The following NKAIN3 variants were observed in gnomAD, a reference collection of about 807,000 sequenced individuals.
NKAIN3 encodes the protein sodium/potassium-transporting ATPase subunit beta-1-interacting protein 3.
In NKAIN3, 25 loss-of-function variants were observed where a neutral mutation model predicts 30.2. That is an observed-to-expected ratio of 0.83 (90% CI 0.60 to 1.16). The LOEUF (loss-of-function observed/expected upper bound fraction) is 1.16. Among genes scored for constraint, NKAIN3 ranks in the 50% most tolerant of loss-of-function variants. The probability of loss-of-function intolerance (pLI) is 0.00; values close to 1 mark genes in which losing one functional copy is unlikely to be tolerated. For synonymous variants in NKAIN3, 91 were observed against 89.6 expected (o/e 1.02, Z -0.09); for missense variants, 225 against 254.1 (o/e 0.89, Z 0.78).
chr8:62,866,842 C>T (rs1293250286), intron 4 of NKAIN3, among the ~76,000 whole-genome samples: 20 of 148,400 alleles, frequency 1.3e-4, no homozygotes, highest in East Asian at 2.0e-4. Flanking sequence ...GTCAGGAGAT[C>T]GAGACCATCC....
chr8:62,452,292 A>G (rs1027943158), intron 1 of NKAIN3, among the ~76,000 whole-genome samples: 9 of 152,132 alleles, frequency 5.9e-5, no homozygotes, highest in Non-Finnish European at 1.2e-4. Flanking sequence ...CCTGGCCAAC[A>G]TAGCGAAACC....
chr8:62,732,920 CAAAT>C (rs1293252554), intron 3 of NKAIN3, among the ~76,000 whole-genome samples: 3 of 152,094 alleles, frequency 2.0e-5, no homozygotes, highest in South Asian at 2.1e-4. Context: ...TAGAATTAGT[CAAAT>C]AAATATTTAT....
chr8:62,737,239 C>A (rs1815703152), intron 3 of NKAIN3, among the ~76,000 whole-genome samples: 1 of 152,174 alleles, frequency 6.6e-6, no homozygotes, highest in South Asian at 2.1e-4. Context: ...TTTTTTCCTG[C>A]CAACCTCTCA....
At chr8:62,788,198 T>G (rs945036421) in intron 4 of NKAIN3, among the ~76,000 whole-genome samples, 2 of 152,174 alleles carry the variant, frequency 1.3e-5, no homozygotes, top group Non-Finnish European at 2.9e-5. Context: ...CTCCAGCACC[T>G]GTTGTTTCCT....
intron 3 of NKAIN3, among the ~76,000 whole-genome samples, chr8:62,642,315 G>C (rs146178783): frequency 9.4e-4 from 143 of 152,108 alleles, no homozygotes; most frequent in African/African-American, 3.2e-3. Flanking sequence ...TCAACAAAAC[G>C]TATACCCATA....
At position 62,981,761 on chromosome 8, in the gene NKAIN3, A is replaced by AAC. The variant is rs1824086089; in HGVS notation, c.*16355_*16356insCA. 1.3e-5 allele frequency: 2 copies of AAC among 152,040 alleles called. No homozygotes were observed. Among genetic ancestry groups the AAC allele is most frequent in the South Asian group, 4.1e-4 (2 of 4,826 alleles). The allele number at this position is 152,040 out of a possible 1,614,324, so 9.4% of individuals were successfully genotyped here. Reference sequence around the variant, plus strand: ...CAGAACTAAGGACCGAAAAAAAAAAAAAAAAGATCTCTATCCCAATAGATT... The same window carrying AAC: ...CAGAACTAAGGACCGAAAAAAAAAAAACAAAAAGATCTCTATCCCAATAGATT... On this transcript the variant is annotated 3_prime_UTR_variant, in exon 7 of 7. Coordinates refer to ENST00000623646, the MANE Select transcript of NKAIN3 (RefSeq NM_001304533.3).
intron 5 of NKAIN3, among the ~76,000 whole-genome samples, chr8:62,948,974 A>G (rs919552275): frequency 6.6e-6 from 1 of 152,240 alleles, no homozygotes; most frequent in African/African-American, 2.4e-5. Context: ...TGGATTTACC[A>G]TAAGCAGCAA....
intron 3 of NKAIN3, among the ~76,000 whole-genome samples, chr8:62,709,747 C>G (rs1312737052): frequency 6.6e-6 from 1 of 151,812 alleles, no homozygotes; most frequent in African/African-American, 2.4e-5. Context: ...TTTGTTATTT[C>G]CTTTCTTCTG....
At position 62,978,132 on chromosome 8, in the gene NKAIN3, C is replaced by A; in HGVS notation, c.*12725C>A. 6.3e-6 allele frequency: 1 copy of A among 157,660 alleles called. No homozygotes were observed. 9.8% of individuals were successfully genotyped at this position (157,660 alleles called of 1,614,324 possible). A position where few individuals can be genotyped will look rare whatever the true frequency, so the allele number is the denominator to read the frequency against. On this transcript the variant is annotated 3_prime_UTR_variant, in exon 7 of 7. Transcript: ENST00000623646. Reference sequence around the variant, plus strand: ...CTGCCAGATGCTAGCCAGAGCTCTCCTGTATGAAGTGTCTGTCGACCCCTG... The same window carrying A: ...CTGCCAGATGCTAGCCAGAGCTCTCATGTATGAAGTGTCTGTCGACCCCTG...
chr8:62,367,040 T>C (rs1444204155), intron 1 of NKAIN3, among the ~76,000 whole-genome samples: 1 of 152,198 alleles, frequency 6.6e-6, no homozygotes, highest in Non-Finnish European at 1.5e-5. Context: ...TTGATAGCAT[T>C]GTGGTCAGAA....
intron 4 of NKAIN3, among the ~76,000 whole-genome samples, chr8:62,902,586 A>T (rs10093212): frequency 2.0e-4 from 30 of 152,184 alleles, no homozygotes; most frequent in East Asian, 9.7e-4. Flanking sequence ...CATTCTGACA[A>T]GACAAAAACC....
chr8:62,640,977 C>T (rs1488448409), intron 3 of NKAIN3, among the ~76,000 whole-genome samples: 1 of 152,016 alleles, frequency 6.6e-6, no homozygotes, highest in Non-Finnish European at 1.5e-5. Flanking sequence ...AAGTCAGACA[C>T]TGTGCCTGAG....
intron 1 of NKAIN3, among the ~76,000 whole-genome samples, chr8:62,425,270 C>T (rs1804773190): frequency 6.6e-6 from 1 of 151,826 alleles, no homozygotes; most frequent in Non-Finnish European, 1.5e-5. Flanking sequence ...GGGTATGTCT[C>T]ATATTATGTA....
At chr8:62,267,491 G>A (rs140340136) in intron 1 of NKAIN3, among the ~76,000 whole-genome samples, 15 of 152,178 alleles carry the variant, frequency 9.9e-5, no homozygotes, top group African/African-American at 3.4e-4. Flanking sequence ...TTATAAGGTG[G>A]TTGTCTTCTC....
chr8:62,303,309 C>T (rs1814117071), intron 1 of NKAIN3, among the ~76,000 whole-genome samples: 1 of 150,396 alleles, frequency 6.6e-6, no homozygotes, highest in South Asian at 2.1e-4. Flanking sequence ...TGTCACATGG[C>T]TCTTGAAAAA....
chr8:62,739,604 C>T (rs1815798321), intron 3 of NKAIN3, among the ~76,000 whole-genome samples: 1 of 151,908 alleles, frequency 6.6e-6, no homozygotes, highest in African/African-American at 2.4e-5. Context: ...AAAATAATAG[C>T]ATTTTCCATG....
intron 4 of NKAIN3, among the ~76,000 whole-genome samples, chr8:62,807,900 T>C (rs986716175): frequency 6.6e-6 from 1 of 151,674 alleles, no homozygotes; most frequent in East Asian, 1.9e-4. Context: ...AGATTGTGAT[T>C]ATGTTAAAAA....
At chr8:62,276,734 T>C (rs1159915161) in intron 1 of NKAIN3, among the ~76,000 whole-genome samples, 1 of 152,242 alleles carries the variant, frequency 6.6e-6, no homozygotes, top group East Asian at 1.9e-4. Flanking sequence ...GCCAGGAATT[T>C]GTAATTACTA....
intron 1 of NKAIN3, among the ~76,000 whole-genome samples, chr8:62,504,819 C>G (rs953075745): frequency 5.3e-5 from 8 of 152,194 alleles, no homozygotes; most frequent in Admixed American, 1.3e-4. Flanking sequence ...CCAGAGTGTT[C>G]CCTCACTACT....
Sources: gnomAD v4.1 joint callset for allele counts (sites outside exome capture counted in the v4.1 genomes callset) on GRCh38, gnomAD v4.1.1 for gene constraint, MANE v1.5 for transcripts, NCBI Gene and HGNC (gene_info 2026-07-23, HGNC 2026-07-21) for gene names.